TMEM26: variants seen among roughly 807,000 people sequenced by gnomAD.
The protein encoded by TMEM26 is transmembrane protein 26.
Under a neutral mutation model 28.8 loss-of-function variants are expected in TMEM26, and 38 were observed. That is an observed-to-expected ratio of 1.32 (90% CI 1.02 to 1.73). The LOEUF is 1.73. Ranked by LOEUF, TMEM26 falls within the 40% of genes most tolerant of loss-of-function variation. The probability of loss-of-function intolerance (pLI) is 0.00; values close to 1 mark genes in which losing one functional copy is unlikely to be tolerated. For missense variants in TMEM26, 518 were observed against 447.1 expected (o/e 1.16, Z -1.43); for synonymous variants, 227 against 182.9 (o/e 1.24, Z -1.95).
intron 1 of TMEM26, among the ~76,000 whole-genome samples, chr10:61,446,817 C>CAAAAA (rs34030340): frequency 1.2e-3 from 40 of 33,946 alleles, no homozygotes; most frequent in East Asian, 2.4e-3. Flanking sequence ...GACTCCATCT[C>CAAAAA]AAAAAAAAAA....
chr10:61,438,396 G>A (rs1350267110), intron 1 of TMEM26, among the ~76,000 whole-genome samples: 1 of 152,184 alleles, frequency 6.6e-6, no homozygotes, highest in East Asian at 1.9e-4. Context: ...TTCTAGGTAA[G>A]AGGGACAGTA....
chr10:61,441,343 A>G (rs1243715583), intron 1 of TMEM26, among the ~76,000 whole-genome samples: 1 of 152,252 alleles, frequency 6.6e-6, no homozygotes, highest in African/African-American at 2.4e-5. Flanking sequence ...GATTTACAGA[A>G]GAAAACTAAT....
At chr10:61,412,735 C>T (rs1437994761) in intron 5 of TMEM26, among the ~76,000 whole-genome samples, 1 of 152,060 alleles carries the variant, frequency 6.6e-6, no homozygotes, top group Non-Finnish European at 1.5e-5. Context: ...TGAAAGGTGG[C>T]TAGTATGACT....
intron 3 of TMEM26, among the ~76,000 whole-genome samples, 193 bp from the exon 4 acceptor site, chr10:61,429,339 C>T (rs1839884778): frequency 6.6e-6 from 1 of 151,976 alleles, no homozygotes; most frequent in African/African-American, 2.4e-5. Context: ...TAATATGGTC[C>T]TTAAGATGGG....
intron 3 of TMEM26, among the ~76,000 whole-genome samples, chr10:61,430,427 A>G (rs1346542054): frequency 6.6e-6 from 1 of 152,052 alleles, no homozygotes; most frequent in Non-Finnish European, 1.5e-5. Context: ...ATAAACATCT[A>G]CAAAATACAT....
intron 1 of TMEM26, among the ~76,000 whole-genome samples, chr10:61,450,037 T>C (rs191306607): frequency 6.6e-6 from 1 of 152,292 alleles, no homozygotes; most frequent in Admixed American, 6.5e-5. Context: ...AATTCTTAAC[T>C]ATTCCTCTGA....
chr10:61,426,958 C>A (rs1444218090), intron 4 of TMEM26, among the ~76,000 whole-genome samples: 1 of 151,878 alleles, frequency 6.6e-6, no homozygotes, highest in Non-Finnish European at 1.5e-5. Context: ...CCTTCCTAGG[C>A]TTTGACTTTG....
At chr10:61,411,439 A>G (rs1336485463) in intron 5 of TMEM26, among the ~76,000 whole-genome samples, 2 of 152,206 alleles carry the variant, frequency 1.3e-5, no homozygotes, top group Non-Finnish European at 2.9e-5. Flanking sequence ...TGATCATTCT[A>G]TATACTCTTT....
At chr10:61,433,951 A>C (rs1194413342) in intron 2 of TMEM26, among the ~76,000 whole-genome samples, 1 of 152,144 alleles carries the variant, frequency 6.6e-6, no homozygotes, top group Non-Finnish European at 1.5e-5. Flanking sequence ...TTTAAAATAG[A>C]AATGTATGTA....
chr10:61,432,833 G>T (rs1839944568), intron 2 of TMEM26, among the ~76,000 whole-genome samples: 2 of 152,050 alleles, frequency 1.3e-5, no homozygotes, highest in African/African-American at 4.8e-5. Context: ...TAAGAAAAAT[G>T]GCCATATTCC....
chr10:61,414,120 A>C, intron 4 of TMEM26: 1 of 885,382 alleles, frequency 1.1e-6, no homozygotes, highest in African/African-American at 1.8e-5. Flanking sequence ...CTTAGTGCCT[A>C]GAACAGTGCT....
At chr10:61,423,957 A>G (rs974458510) in intron 4 of TMEM26, among the ~76,000 whole-genome samples, 2 of 152,198 alleles carry the variant, frequency 1.3e-5, no homozygotes, top group African/African-American at 2.4e-5. Flanking sequence ...AAATTCTTCA[A>G]ACTGGTAAAG....
At chr10:61,445,707 T>C (rs545300748) in intron 1 of TMEM26, among the ~76,000 whole-genome samples, 1 of 152,310 alleles carries the variant, frequency 6.6e-6, no homozygotes, top group East Asian at 1.9e-4. Context: ...AAGAAACTTA[T>C]TTTTAACAAA....
chr10:61,453,189 CT>C lies in TMEM26; in HGVS notation c.-109del. ...GGAATATGACAAGCACTGAGACCTGCTGCTGCTTGTGGTCCCTTCTCACCCT... is the reference window on the plus strand; with the variant it reads ...GGAATATGACAAGCACTGAGACCTGCGCTGCTTGTGGTCCCTTCTCACCCT... On this transcript the variant is annotated 5_prime_UTR_variant, in exon 1 of 6. Coordinates refer to ENST00000399298, the MANE Select transcript of TMEM26 (RefSeq NM_178505.8). The C allele has an allele frequency of 1.7e-6, 2 of 1,189,344 alleles. No homozygotes were observed. The highest frequency in any genetic ancestry group is 4.4e-5 in the Admixed American group (2 of 45,220). 73.7% of individuals were successfully genotyped at this position (1,189,344 alleles called of 1,614,324 possible).
chr10:61,413,357 T>G, intron 5 of TMEM26, 102 bp downstream of exon 5: 1 of 1,501,512 alleles, frequency 6.7e-7, no homozygotes, highest in Non-Finnish European at 8.9e-7. Flanking sequence ...AATATTGGGA[T>G]ACAGACATGA....
At chr10:61,423,406 T>C (rs1177584477) in intron 4 of TMEM26, among the ~76,000 whole-genome samples, 4 of 152,176 alleles carry the variant, frequency 2.6e-5, no homozygotes, top group African/African-American at 4.8e-5. Flanking sequence ...CAGATCAATA[T>C]GCCTCATAAG....
chr10:61,448,017 G>C (rs560622547), intron 1 of TMEM26, among the ~76,000 whole-genome samples: 1 of 152,260 alleles, frequency 6.6e-6, no homozygotes, highest in African/African-American at 2.4e-5. Flanking sequence ...AATTTTGCCT[G>C]TTTATTCACT....
intron 1 of TMEM26, 121 bp downstream of exon 1, chr10:61,452,770 G>A: frequency 1.6e-6 from 2 of 1,271,772 alleles, no homozygotes; most frequent in Non-Finnish European, 2.2e-6. Flanking sequence ...AGCGATCAGC[G>A]AGGAAAAACG....
At chr10:61,426,711 A>G (rs1298413125) in intron 4 of TMEM26, among the ~76,000 whole-genome samples, 1 of 152,094 alleles carries the variant, frequency 6.6e-6, no homozygotes, top group Non-Finnish European at 1.5e-5. Context: ...GACTACAATG[A>G]AGTGATCCCT....
Sources: gnomAD v4.1 joint callset for allele counts (sites outside exome capture counted in the v4.1 genomes callset) on GRCh38, gnomAD v4.1.1 for gene constraint, MANE v1.5 for transcripts, NCBI Gene and HGNC (gene_info 2026-07-23, HGNC 2026-07-21) for gene names.